Variants in CENPP observed in about 807,000 individuals in gnomAD.
CENPP encodes the protein centromere protein P.
In CENPP, 24 loss-of-function variants were observed where a neutral mutation model predicts 35.6. The observed-to-expected ratio is 0.67, with a 90% CI of 0.49 to 0.95. The LOEUF (loss-of-function observed/expected upper bound fraction) is 0.95, where lower values mean the gene tolerates loss of function less well. CENPP is among the 40% of genes least tolerant of loss of function. CENPP has a pLI of 0.00. For synonymous variants in CENPP, 120 were observed against 125.5 expected (o/e 0.96, Z 0.29); for missense variants, 332 against 345.3 (o/e 0.96, Z 0.31).
rs1564023869 is a variant in CENPP at position 92,615,145 on chromosome 9, T to C, written c.*1996T>C. On this transcript the variant is annotated 3_prime_UTR_variant, in exon 8 of 8. Coordinates refer to ENST00000375587, the MANE Select transcript of CENPP (RefSeq NM_001012267.3). ...TCTCCCCCTCATGTGAAAGATTAAA[T>C]TGTAAAGCAAAAAAAAAAAGGTCAA... 1 of 152,008 alleles carries C rather than the reference T, an allele frequency of 6.6e-6. No individual in the cohort carries two copies. The highest frequency in any genetic ancestry group is 1.5e-5 in the Non-Finnish European group (1 of 68,014). The allele number at this position is 152,008 out of a possible 1,614,324, so 9.4% of individuals were successfully genotyped here.
At chr9:92,422,303 C>G (rs1843831951) in intron 5 of CENPP, among the ~76,000 whole-genome samples, 2 of 152,200 alleles carry the variant, frequency 1.3e-5, no homozygotes, top group South Asian at 2.1e-4. Context: ...ATCCGCCCAC[C>G]TCAGCCTCCC....
At chr9:92,545,838 C>G (rs1243014144) in intron 5 of CENPP, among the ~76,000 whole-genome samples, 2 of 152,220 alleles carry the variant, frequency 1.3e-5, no homozygotes, top group East Asian at 3.9e-4. Context: ...CACACTGTGT[C>G]TAGCTCAAGG....
intron 5 of CENPP, among the ~76,000 whole-genome samples, chr9:92,399,240 AT>A (rs1588098547): frequency 6.6e-6 from 1 of 152,052 alleles, no homozygotes; most frequent in Middle Eastern, 3.4e-3. Flanking sequence ...TCATACTTCA[AT>A]TTTTTTCAAT....
At chr9:92,469,361 A>C (rs986993712) in intron 5 of CENPP, among the ~76,000 whole-genome samples, 8 of 152,080 alleles carry the variant, frequency 5.3e-5, no homozygotes, top group Admixed American at 1.3e-4. Context: ...TTTTGTAGGG[A>C]GGCTTGATGC....
chr9:92,619,468 T>C lies in CENPP; in HGVS notation c.*6319T>C. The C allele has an allele frequency of 6.4e-7, 1 of 1,568,192 alleles. No homozygotes were observed. Among genetic ancestry groups the C allele is most frequent in the Non-Finnish European group, 8.7e-7 (1 of 1,154,200 alleles). The stretch of plus-strand genomic sequence containing the variant: ...CCCCGTTAGACCCAGGCTGCATGCC[T>C]TGCAGTGGGGGCCTCACCTGGCATC... On this transcript the variant is annotated 3_prime_UTR_variant, in exon 8 of 8. Transcript: ENST00000375587.
At chr9:92,356,583 A>C (rs1286509888) in intron 4 of CENPP, among the ~76,000 whole-genome samples, 1 of 152,256 alleles carries the variant, frequency 6.6e-6, no homozygotes. Context: ...AAGAGATTGA[A>C]GTAAAGACAG....
chr9:92,439,376 A>G (rs1203545447), intron 5 of CENPP, among the ~76,000 whole-genome samples: 2 of 151,994 alleles, frequency 1.3e-5, no homozygotes, highest in Non-Finnish European at 2.9e-5. Context: ...ATAATTTAAA[A>G]TATATATATT....
chr9:92,564,394 A>T (rs1039606126), intron 5 of CENPP, among the ~76,000 whole-genome samples: 1 of 152,168 alleles, frequency 6.6e-6, no homozygotes, highest in African/African-American at 2.4e-5. Flanking sequence ...GTCTCAAAAA[A>T]AAAAAATAAA....
chr9:92,415,451 A>G, intron 5 of CENPP: 1 of 1,610,232 alleles, frequency 6.2e-7, no homozygotes, highest in Non-Finnish European at 8.5e-7. Context: ...GGGTCAATAG[A>G]AGGACACATC....
intron 5 of CENPP, among the ~76,000 whole-genome samples, chr9:92,471,692 A>C (rs1845523631): frequency 6.9e-6 from 1 of 145,666 alleles, no homozygotes; most frequent in African/African-American, 2.6e-5. Context: ...AACTTGAGAC[A>C]GTCTTGCTCT....
chr9:92,384,336 A>C (rs910062479), intron 5 of CENPP: 1 of 152,186 alleles, frequency 6.6e-6, no homozygotes, highest in Non-Finnish European at 1.5e-5. Context: ...AATGGGAATA[A>C]GTATGTATTC....
chr9:92,410,109 T>C (rs1049051454), intron 5 of CENPP, among the ~76,000 whole-genome samples: 1 of 152,094 alleles, frequency 6.6e-6, no homozygotes, highest in African/African-American at 2.4e-5. Context: ...GCTAATTTTT[T>C]GTGTTTTTAG....
rs1256500250 is a variant in CENPP, at chr9:92,619,407, A to G, written c.*6258A>G. ...GGAGTCTCTAAATATGGGGAAACCA[A>G]CTATCCTATTAACAATTCACCAACT... On this transcript the variant is annotated 3_prime_UTR_variant, in exon 8 of 8. Coordinates refer to ENST00000375587, the MANE Select transcript of CENPP (RefSeq NM_001012267.3). 2.5e-6 allele frequency: 3 copies of G among 1,179,970 alleles called. No homozygotes were observed. Among genetic ancestry groups the G allele is most frequent in the Admixed American group, 2.0e-5 (1 of 50,348 alleles). The allele number at this position is 1,179,970 out of a possible 1,614,324, so 73.1% of individuals were successfully genotyped here.
rs1157689664 is a variant in CENPP, at chr9:92,593,547, A to T, written c.565-17767A>T. 6.6e-6 allele frequency among the ~76,000 whole-genome samples: 1 copy of T among 152,214 alleles called. No homozygotes were observed. Among genetic ancestry groups the T allele is most frequent in the East Asian group, 1.9e-4 (1 of 5,198 alleles). On this transcript the variant is annotated intron_variant, in intron 5 of 7. Coordinates refer to ENST00000375587, the MANE Select transcript of CENPP (RefSeq NM_001012267.3). This position sits in a 1 kb window ranked among gnomAD's most constrained non-coding sequence, Gnocchi z 4.1. Reference sequence around the variant, plus strand: ...TATAAGATGTTTAGCCAATTCATGGATGATCTGTACAGAAATGAATAAATG... The same window carrying T: ...TATAAGATGTTTAGCCAATTCATGGTTGATCTGTACAGAAATGAATAAATG...
At chr9:92,326,192 C>T in intron 1 of CENPP, 87 bp downstream of exon 1, 2 of 832,480 alleles carry the variant, frequency 2.4e-6, no homozygotes, top group Non-Finnish European at 3.8e-6. Context: ...CCTCGGTCTC[C>T]TACTCCCAGC....
At chr9:92,506,174 C>G (rs776225436) in intron 5 of CENPP, among the ~76,000 whole-genome samples, 1 of 152,194 alleles carries the variant, frequency 6.6e-6, no homozygotes, top group Non-Finnish European at 1.5e-5. Flanking sequence ...TGAATGATTT[C>G]TTTTTCTAGG....
intron 5 of CENPP, among the ~76,000 whole-genome samples, chr9:92,564,954 A>T (rs879290827): frequency 6.6e-6 from 1 of 152,214 alleles, no homozygotes; most frequent in Non-Finnish European, 1.5e-5. Flanking sequence ...ATGTACAAAA[A>T]TCTCTTACAT....
intron 5 of CENPP, chr9:92,384,359 C>T (rs989230221): frequency 6.6e-6 from 1 of 152,090 alleles, no homozygotes; most frequent in East Asian, 1.9e-4. Context: ...TACACAGAGA[C>T]AACTTGATTT....
chr9:92,500,805 T>C (rs1846625753), intron 5 of CENPP: 1 of 1,614,214 alleles, frequency 6.2e-7, no homozygotes, highest in Non-Finnish European at 8.5e-7. Flanking sequence ...TTTTAAGTCA[T>C]TGTGATCCAG....
Sources: gnomAD v4.1 joint callset for allele counts (sites outside exome capture counted in the v4.1 genomes callset) on GRCh38, gnomAD v4.1.1 for gene constraint, Gnocchi (gnomAD v3.1) non-coding constraint, MANE v1.5 for transcripts, NCBI Gene and HGNC (gene_info 2026-07-23, HGNC 2026-07-21) for gene names.